Variants in TNKS observed in about 807,000 individuals in gnomAD.
TNKS encodes tankyrase.
A neutral mutation model predicts 135.8 loss-of-function variants in TNKS; 72 were observed. The ratio of observed to expected loss-of-function variants is 0.53; its 90% CI spans 0.44 to 0.64. The LOEUF is 0.64. TNKS is among the 30% of genes least tolerant of loss of function. TNKS has a pLI of 0.00. For missense variants in TNKS, 1,769 were observed against 1,674.0 expected (o/e 1.06, Z -0.99); for synonymous variants, 849 against 649.3 (o/e 1.31, Z -4.68).
intron 2 of TNKS, among the ~76,000 whole-genome samples, chr8:9,584,902 TC>T (rs1308712678): frequency 1.3e-5 from 2 of 152,328 alleles, no homozygotes; most frequent in African/African-American, 2.4e-5. Flanking sequence ...TGTATGGTGT[TC>T]CAACGCATGT....
intron 1 of TNKS, chr8:9,558,153 A>C (rs1446815897): frequency 6.6e-6 from 1 of 152,184 alleles, no homozygotes; most frequent in Non-Finnish European, 1.5e-5. Context: ...TTCCCTTAAT[A>C]CATGTGTTGT....
intron 1 of TNKS, among the ~76,000 whole-genome samples, chr8:9,575,808 C>G (rs1797924169): frequency 6.6e-6 from 1 of 152,164 alleles, no homozygotes; most frequent in Non-Finnish European, 1.5e-5. Flanking sequence ...ATGGATTTAA[C>G]TATGAGTATT....
At chr8:9,767,308 G>A (rs1049994133) in intron 25 of TNKS, among the ~76,000 whole-genome samples, 6 of 151,954 alleles carry the variant, frequency 3.9e-5, no homozygotes, top group Non-Finnish European at 7.4e-5. Flanking sequence ...TGTCAGTGGC[G>A]AAAAAAGTAC....
intron 2 of TNKS, among the ~76,000 whole-genome samples, chr8:9,594,711 C>T (rs1005412459): frequency 2.6e-5 from 4 of 152,082 alleles, no homozygotes; most frequent in Admixed American, 2.6e-4. Flanking sequence ...TTTTTAAAAT[C>T]AGTCACCTGT....
At chr8:9,680,370 G>A (rs973236550) in intron 4 of TNKS, among the ~76,000 whole-genome samples, 5 of 151,858 alleles carry the variant, frequency 3.3e-5, no homozygotes, top group South Asian at 2.1e-4. Context: ...GTTCTTGGTC[G>A]TTTATAATTT....
intron 1 of TNKS, chr8:9,557,937 A>G (rs1305509941): frequency 2.0e-5 from 3 of 152,302 alleles, no homozygotes; most frequent in African/African-American, 7.2e-5. Flanking sequence ...TCAAACTTAA[A>G]CTGTCAGAAC....
intron 2 of TNKS, among the ~76,000 whole-genome samples, chr8:9,589,514 G>C (rs1798509357): frequency 6.6e-6 from 1 of 152,232 alleles, no homozygotes; most frequent in Non-Finnish European, 1.5e-5. Context: ...CCTTAAAGTT[G>C]CTGTGAGGTC....
chr8:9,680,567 A>G (rs1390834672), intron 4 of TNKS, among the ~76,000 whole-genome samples, 158 bp from the exon 5 acceptor site: 1 of 152,196 alleles, frequency 6.6e-6, no homozygotes, highest in African/African-American at 2.4e-5. Flanking sequence ...AATTAGAAAT[A>G]TATTAATTGA....
chr8:9,733,189 A>G, intron 14 of TNKS, 90 bp from the exon 15 acceptor site: 1 of 1,277,840 alleles, frequency 7.8e-7, no homozygotes. Context: ...TATAGTCAGT[A>G]CCATAGAAGA....
intron 3 of TNKS, among the ~76,000 whole-genome samples, chr8:9,662,902 C>G (rs557425910): frequency 6.6e-6 from 1 of 152,176 alleles, no homozygotes; most frequent in Non-Finnish European, 1.5e-5. Flanking sequence ...TACTAATCCC[C>G]AGAACCTGTA....
At chr8:9,730,381 A>G (rs11782886) in intron 13 of TNKS, among the ~76,000 whole-genome samples, 89,363 of 151,832 alleles carry the variant, frequency 0.59, 26,614 homozygotes, top group Middle Eastern at 0.7. Context: ...TGTTGACGAC[A>G]TAGCTTTGCT....
chr8:9,704,880 T>C (rs919901514), intron 6 of TNKS, 123 bp downstream of exon 6: 1 of 596,770 alleles, frequency 1.7e-6, no homozygotes, highest in Non-Finnish European at 2.8e-6. Flanking sequence ...TTAAGAATGT[T>C]CATAACTCTG....
chr8:9,672,826 A>G (rs1254075278), intron 3 of TNKS, among the ~76,000 whole-genome samples: 1 of 151,916 alleles, frequency 6.6e-6, no homozygotes, highest in Non-Finnish European at 1.5e-5. Context: ...CTGAACACAT[A>G]GCATCATAAC....
intron 14 of TNKS, among the ~76,000 whole-genome samples, chr8:9,732,143 A>C (rs1207523791): frequency 2.6e-5 from 4 of 152,168 alleles, no homozygotes; most frequent in Admixed American, 1.3e-4. Context: ...CTTTTTTGCT[A>C]TTAAAAATGT....
chr8:9,776,706 GA>G lies in TNKS; in HGVS notation c.3955del (p.Thr1319ProfsTer39). On this transcript the variant is annotated frameshift_variant, in exon 27 of 27. Transcript: ENST00000310430. LOFTEE classifies it high-confidence loss of function. ...TCATGAAGCCAGAAGCCCCTTCCCA[GA>G]CCGCAACAGCCGCAGAGCAGAAGAC... Reference protein sequence around the residue: ...QIMKPEAPSQTATAAEQKT With the variant: ...QIMKPEAPSQXATAAEQKT 6.2e-7 allele frequency: 1 copy of G among 1,614,008 alleles called. No homozygotes were observed. Among genetic ancestry groups the G allele is most frequent in the Non-Finnish European group, 8.5e-7 (1 of 1,179,942 alleles).
intron 3 of TNKS, among the ~76,000 whole-genome samples, chr8:9,644,714 C>A (rs1350344055): frequency 1.3e-5 from 2 of 152,122 alleles, no homozygotes; most frequent in African/African-American, 4.8e-5. Flanking sequence ...GTTCCTTTAG[C>A]AATTAAATAT....
intron 3 of TNKS, among the ~76,000 whole-genome samples, chr8:9,666,720 A>T (rs1316781252): frequency 7.8e-6 from 1 of 127,958 alleles, no homozygotes; most frequent in Non-Finnish European, 1.7e-5. Flanking sequence ...GACTCTATCT[A>T]AAAAAAAAAA....
chr8:9,696,607 G>A (rs79403213), intron 5 of TNKS, among the ~76,000 whole-genome samples: 5,325 of 152,170 alleles, frequency 0.035, 139 homozygotes, highest in Middle Eastern at 0.058. Flanking sequence ...CAAGGTTTCA[G>A]TATACAAAAT....
chr8:9,658,935 G>A (rs538592861), intron 3 of TNKS, among the ~76,000 whole-genome samples: 9 of 152,228 alleles, frequency 5.9e-5, no homozygotes, highest in African/African-American at 1.9e-4. Flanking sequence ...GGTTGCAATC[G>A]TAGTCTTGGA....
Sources: allele counts gnomAD v4.1 joint callset (sites outside exome capture counted in the v4.1 genomes callset), GRCh38; gene constraint gnomAD v4.1.1; transcripts MANE v1.5; gene names NCBI Gene and HGNC (gene_info 2026-07-23, HGNC 2026-07-21).